Variants in FARP2 observed in about 807,000 individuals in gnomAD.
FARP2 encodes FERM, ARHGEF and pleckstrin domain-containing protein 2.
FARP2 carries 111 observed loss-of-function variants against 130.5 expected under a neutral mutation model. The observed-to-expected ratio is 0.85, with a 90% confidence interval of 0.73 to 1.00. The LOEUF is 1.00. Ranked by LOEUF, FARP2 falls within the 50% of genes least tolerant of loss-of-function variation. The pLI, the probability that FARP2 is intolerant of heterozygous loss-of-function variation, is 0.00. For missense variants in FARP2, 1,385 were observed against 1,346.3 expected (o/e 1.03, Z -0.45); for synonymous variants, 504 against 516.9 (o/e 0.98, Z 0.34).
rs778290595 is a variant in FARP2 at position 241,441,499 on chromosome 2, G to A, written c.1354G>A (p.Gly452Ser). The A allele has an allele frequency of 7.4e-6, 12 of 1,614,136 alleles. 1 individual carries two copies. In the South Asian group the frequency reaches 1.2e-4, roughly 16 times the overall value. ...GAGGCGCAGTGGAGCAGTGGCTGGA[G>A]GCCCCGACACACCATCGGCCCAGCC... ...AERRSGAVAG[G>S]PDTPSAQPLG... The change falls in exon 13 of 27, where the codon GGC becomes AGC. Residue 452 changes from glycine (G) to serine (S), a missense_variant. By Grantham distance (56) the Gly-to-Ser change is moderately conservative (BLOSUM62 0). Coordinates refer to ENST00000264042, the MANE Select transcript of FARP2 (RefSeq NM_014808.4).
intron 2 of FARP2, among the ~76,000 whole-genome samples, chr2:241,393,281 A>C (rs1031588653): frequency 6.6e-6 from 1 of 152,008 alleles, no homozygotes; most frequent in African/African-American, 2.4e-5. Context: ...CGGTCTCCCA[A>C]AGTGCTGGGA....
intron 8 of FARP2, among the ~76,000 whole-genome samples, chr2:241,427,918 C>T (rs143098687): frequency 1.2e-4 from 19 of 152,172 alleles, no homozygotes; most frequent in African/African-American, 2.6e-4. Context: ...AGGCGCCTGC[C>T]ACCACGTCTG....
At chr2:241,368,808 ATAAACT>A (rs1354522774) in intron 1 of FARP2, among the ~76,000 whole-genome samples, 1 of 152,152 alleles carries the variant, frequency 6.6e-6, no homozygotes. Flanking sequence ...AAGCTTAGTA[ATAAACT>A]TAAAGTCTTA....
At chr2:241,456,504 G>A in intron 13 of FARP2, 1 of 464,578 alleles carries the variant, frequency 2.2e-6, no homozygotes. Context: ...AGAGTCCGGG[G>A]AGGATCCACA....
chr2:241,461,320 G>C (rs1329474382), intron 14 of FARP2, among the ~76,000 whole-genome samples: 1 of 148,552 alleles, frequency 6.7e-6, no homozygotes, highest in Non-Finnish European at 1.5e-5. Context: ...GTGGTGCTGA[G>C]GTCCACCGGC....
chr2:241,421,721 A>G (rs916950666), intron 8 of FARP2, among the ~76,000 whole-genome samples: 2 of 12,940 alleles, frequency 1.5e-4, no homozygotes, highest in Middle Eastern at 0.12. Context: ...CTCCTGGGAT[A>G]TAAAGCTTTT....
At chr2:241,467,663 G>A (rs577831206) in intron 17 of FARP2, among the ~76,000 whole-genome samples, 19 of 150,778 alleles carry the variant, frequency 1.3e-4, no homozygotes, top group African/African-American at 3.9e-4. Flanking sequence ...AAAAAAGTCA[G>A]GTGTGGTTAT....
chr2:241,397,189 C>G (rs1036629818), intron 2 of FARP2, among the ~76,000 whole-genome samples: 1 of 151,852 alleles, frequency 6.6e-6, no homozygotes, highest in South Asian at 2.1e-4. Context: ...TGTTGTGCGG[C>G]GAGGGGAGGG....
chr2:241,385,320 A>G (rs1028607115), intron 2 of FARP2, among the ~76,000 whole-genome samples: 20 of 152,198 alleles, frequency 1.3e-4, no homozygotes, highest in African/African-American at 4.8e-4. Context: ...CAAGTAGTTT[A>G]TAAAATAATA....
In FARP2 at chr2:241,493,679, G is replaced by C. The variant is rs2065018361; in HGVS notation, c.3047+235G>C. On this transcript the variant is annotated intron_variant, in intron 26 of 26. Coordinates refer to ENST00000264042, the MANE Select transcript of FARP2 (RefSeq NM_014808.4). ...ATACAATCTTGGCTCACTATAACCT[G>C]CACCTCCAGGGTTCAAGCGATTCTT... is the stretch of plus-strand genomic sequence containing the variant. 5 of 550,088 alleles carry C rather than the reference G, an allele frequency of 9.1e-6. No homozygotes were observed. In the South Asian group the frequency reaches 1.1e-4, roughly 13 times the overall value. 34.1% of individuals were successfully genotyped at this position (550,088 alleles called of 1,614,324 possible). A position where few individuals can be genotyped will look rare whatever the true frequency, so the allele number is the denominator to read the frequency against.
intron 4 of FARP2, among the ~76,000 whole-genome samples, chr2:241,406,627 T>G (rs963399455): frequency 4.5e-4 from 64 of 140,872 alleles, no homozygotes; most frequent in Admixed American, 1.1e-3. Context: ...GGGGTTTTTT[T>G]GGGGGGGAGA....
intron 6 of FARP2, 102 bp from the exon 7 acceptor site, chr2:241,413,205 C>A: frequency 7.4e-6 from 5 of 673,670 alleles, no homozygotes; most frequent in South Asian, 6.8e-5. Context: ...TCTTTTGCTA[C>A]AAATTTGGGA....
intron 17 of FARP2, among the ~76,000 whole-genome samples, chr2:241,464,330 C>G (rs1694316310): frequency 6.6e-6 from 1 of 150,590 alleles, no homozygotes; most frequent in African/African-American, 2.4e-5. Context: ...AGCAGGGTCC[C>G]CCCAGAGCAG....
chr2:241,478,847 A>G (rs2064542491), intron 19 of FARP2: 4 of 388,442 alleles, frequency 1.0e-5, no homozygotes, highest in Non-Finnish European at 2.0e-5. Flanking sequence ...ACTGGTCAGC[A>G]ATGGCTCTTC....
chr2:241,434,242 A>C lies in FARP2; in HGVS notation c.952A>C (p.Thr318Pro). 1 of 1,613,842 alleles carries C rather than the reference A, an allele frequency of 6.2e-7. No homozygotes were observed. The highest frequency in any genetic ancestry group is 8.5e-7 in the Non-Finnish European group (1 of 1,179,876). Residue 318 changes from threonine (T) to proline (P), a missense_variant, in exon 10 of 27, where the codon ACC (threonine) becomes CCC (proline). Transcript: ENST00000264042. ...CTGGAAGATTTGTGTGGAGTATCAC[A>C]CCTTTTTTAGACTTTTGGACCAACC... ...NFWKICVEYH[T>P]FFRLLDQPKP...
Position 241,489,956 on chromosome 2 carries a change from C to G in FARP2, c.2422-6C>G, listed in dbSNP as rs1359252383. 1 of 1,606,668 alleles carries G rather than the reference C, an allele frequency of 6.2e-7. No individual in the cohort carries two copies. The highest frequency in any genetic ancestry group is 8.5e-7 in the Non-Finnish European group (1 of 1,173,256). Reference sequence around the variant, plus strand: ...ACAAGACTTGGACCGTTTCTCCCACCCACAGGTGGAAGAAAGTGATAACGA... The same window carrying G: ...ACAAGACTTGGACCGTTTCTCCCACGCACAGGTGGAAGAAAGTGATAACGA... On this transcript the variant is annotated splice_region_variant and splice_polypyrimidine_tract_variant and intron_variant, in intron 21 of 26. Transcript: ENST00000264042.
rs553593133 is a variant in FARP2 at position 241,462,576 on chromosome 2, A to G, written c.1641A>G (p.Glu547=). Residue 547 remains glutamate (E), a synonymous_variant, in exon 15 of 27, where the codon GAA becomes GAG. Transcript: ENST00000264042. Reference sequence around the variant, plus strand: ...TAGTCAAAGAGATTCTCGCTACAGAACGAACATACCTCAAGGATTTAGAAG... The same window carrying G: ...TAGTCAAAGAGATTCTCGCTACAGAGCGAACATACCTCAAGGATTTAGAAG... The part of the protein sequence containing the change: ...YFIVKEILAT[E]RTYLKDLEVI... The G allele has an allele frequency of 6.2e-7, 1 of 1,613,806 alleles. No individual in the cohort carries two copies. The highest frequency in any genetic ancestry group is 1.1e-5 in the South Asian group (1 of 91,070).
intron 1 of FARP2, among the ~76,000 whole-genome samples, chr2:241,362,474 C>A (rs2061210403): frequency 6.6e-6 from 1 of 151,862 alleles, no homozygotes. Context: ...TGGTGGCGGG[C>A]GCCTGTGATC....
intron 12 of FARP2, among the ~76,000 whole-genome samples, chr2:241,437,662 A>ATTTTTTTTTTTT (rs1254102658): frequency 1.4e-4 from 19 of 135,434 alleles, no homozygotes; most frequent in Admixed American, 9.7e-4. Context: ...TTATTTATTT[A>ATTTTTTTTTTTT]TTTATTTATT....
Sources: gnomAD v4.1 joint callset for allele counts (sites outside exome capture counted in the v4.1 genomes callset) on GRCh38, gnomAD v4.1.1 for gene constraint, MANE v1.5 for transcripts, NCBI Gene and HGNC (gene_info 2026-07-23, HGNC 2026-07-21) for gene names.